OPCML: variants seen among roughly 807,000 people sequenced by gnomAD.
OPCML encodes opioid binding protein/cell adhesion molecule like.
Under a neutral mutation model 37.8 loss-of-function variants are expected in OPCML, and 13 were observed. That is an observed-to-expected ratio of 0.34 (90% confidence interval 0.22 to 0.55). OPCML has a LOEUF of 0.55. OPCML is among the 20% of genes least tolerant of loss of function. The pLI is 0.91. For synonymous variants in OPCML, 176 were observed against 168.8 expected, an observed-to-expected ratio of 1.04 and a Z score of -0.33; for missense variants, 341 against 435.6, an observed-to-expected ratio of 0.78 and a Z score of 1.93.
chr11:132,435,161 G>A, intron 7 of OPCML: 1 of 1,286,568 alleles, frequency 7.8e-7, no homozygotes, highest in South Asian at 1.2e-5. Context: ...GTACCCACCT[G>A]CCACTGCTGA....
intron 1 of OPCML, among the ~76,000 whole-genome samples, chr11:133,306,041 T>C (rs1011256202): frequency 1.3e-5 from 2 of 152,206 alleles, no homozygotes; most frequent in African/African-American, 4.8e-5. Flanking sequence ...ATTTAAGGTA[T>C]ATTACCATTA....
chr11:132,603,656 C>T (rs1938078587), intron 3 of OPCML, among the ~76,000 whole-genome samples: 1 of 152,186 alleles, frequency 6.6e-6, no homozygotes, highest in Admixed American at 6.5e-5. Flanking sequence ...TTCTTATCAT[C>T]TGAAGGATAA....
intron 1 of OPCML, among the ~76,000 whole-genome samples, chr11:133,288,828 G>C (rs2155532): frequency 0.43 from 64,888 of 151,710 alleles, 15,508 homozygotes; most frequent in East Asian, 0.76. Flanking sequence ...AGGCCAACTA[G>C]ACTGGGGTGT....
chr11:133,279,893 G>A (rs1358916737), intron 1 of OPCML, among the ~76,000 whole-genome samples: 1 of 152,132 alleles, frequency 6.6e-6, no homozygotes, highest in African/African-American at 2.4e-5. Flanking sequence ...TGGTGCAGGA[G>A]TTAATTGGTT....
intron 1 of OPCML, among the ~76,000 whole-genome samples, chr11:133,041,988 C>T (rs1373152276): frequency 2.6e-5 from 4 of 152,264 alleles, no homozygotes; most frequent in South Asian, 2.1e-4. Context: ...TGTTGGCAAA[C>T]GACCTTTCCA....
intron 7 of OPCML, among the ~76,000 whole-genome samples, chr11:132,430,732 T>A (rs2136701887): frequency 6.6e-6 from 1 of 152,318 alleles, no homozygotes; most frequent in South Asian, 2.1e-4. Flanking sequence ...GTGAGAAATT[T>A]GTTTTTCTCT....
intron 1 of OPCML, among the ~76,000 whole-genome samples, chr11:133,318,699 A>G (rs760972221): frequency 6.6e-6 from 1 of 152,094 alleles, no homozygotes; most frequent in Non-Finnish European, 1.5e-5. Context: ...TAGTGCAGTA[A>G]TGAGCACGCT....
At chr11:132,920,053 A>T (rs7937764) in intron 2 of OPCML, among the ~76,000 whole-genome samples, 34,003 of 152,076 alleles carry the variant, frequency 0.22, 6,496 homozygotes, top group African/African-American at 0.51. Context: ...ATGAAAATAT[A>T]CTGGAATTAG....
intron 1 of OPCML, among the ~76,000 whole-genome samples, chr11:133,214,260 T>G (rs1939495594): frequency 6.6e-6 from 1 of 152,176 alleles, no homozygotes; most frequent in African/African-American, 2.4e-5. Context: ...TGGCTGAATT[T>G]TTGTCGATAT....
At chr11:133,407,976 C>G (rs1945559685) in intron 1 of OPCML, among the ~76,000 whole-genome samples, 1 of 152,184 alleles carries the variant, frequency 6.6e-6, no homozygotes, top group Non-Finnish European at 1.5e-5. Flanking sequence ...AGCTGTACAT[C>G]CACTGTTTGC....
chr11:133,435,797 C>T (rs550331322), intron 1 of OPCML, among the ~76,000 whole-genome samples: 2 of 152,128 alleles, frequency 1.3e-5, no homozygotes, highest in South Asian at 2.1e-4. Flanking sequence ...ATTCATGCCC[C>T]GTGAAGAGGA....
intron 1 of OPCML, among the ~76,000 whole-genome samples, chr11:133,172,484 C>T (rs149518160): frequency 7.9e-4 from 121 of 152,204 alleles, no homozygotes; most frequent in African/African-American, 2.1e-3. Flanking sequence ...GAAAACCCCA[C>T]GGACAAAGGC....
intron 2 of OPCML, among the ~76,000 whole-genome samples, chr11:132,835,186 G>A (rs1486296879): frequency 1.3e-5 from 2 of 152,308 alleles, no homozygotes; most frequent in Non-Finnish European, 2.9e-5. Flanking sequence ...CCAGTGAAGA[G>A]CCTCCTTGGC....
chr11:133,488,200 G>C (rs1947572394), intron 1 of OPCML, among the ~76,000 whole-genome samples: 1 of 151,950 alleles, frequency 6.6e-6, no homozygotes, highest in Non-Finnish European at 1.5e-5. Flanking sequence ...CTAAGAAATG[G>C]AACAAGACAA....
intron 1 of OPCML, among the ~76,000 whole-genome samples, chr11:133,286,311 T>A (rs1488310187): frequency 6.6e-6 from 1 of 150,786 alleles, no homozygotes; most frequent in African/African-American, 2.4e-5. Context: ...AATAAATAAA[T>A]AAAAATAAAT....
chr11:133,532,196 C>A, intron 1 of OPCML, 68 bp downstream of exon 1: 3 of 1,575,034 alleles, frequency 1.9e-6, no homozygotes, highest in Non-Finnish European at 2.6e-6. Context: ...CATCTCCCCA[C>A]TGCCTCTCCT....
Position 133,504,078 on chromosome 11 carries a change from C to A in OPCML, c.61+28186G>T, listed in dbSNP as rs77089749. Among the ~76,000 whole-genome samples the A allele has an allele frequency of 4.1e-4, 63 of 152,274 alleles. 2 individuals are homozygous for A. The East Asian group carries it at 0.011, about 28-fold the overall frequency. On this transcript the variant is annotated intron_variant, in intron 1 of 7. Transcript: ENST00000524381. ...AAAGGAAATCAAAATCAGCACTCTG[C>A]GGAGACTTGCTGTATCCTCCACCAT...
At chr11:133,463,141 A>C (rs1322945719) in intron 1 of OPCML, among the ~76,000 whole-genome samples, 2 of 148,962 alleles carry the variant, frequency 1.3e-5, no homozygotes, top group African/African-American at 5.1e-5. Context: ...AAAAAAAATC[A>C]AAAAAACCTA....
At chr11:133,041,206 A>G (rs11223336) in intron 1 of OPCML, among the ~76,000 whole-genome samples, 18,915 of 152,208 alleles carry the variant, frequency 0.12, 1,332 homozygotes, top group East Asian at 0.22. Context: ...GTGATGAGAA[A>G]AACAACAGCC....
Sources: gnomAD v4.1 joint callset for allele counts (sites outside exome capture counted in the v4.1 genomes callset) on GRCh38, gnomAD v4.1.1 for gene constraint, MANE v1.5 for transcripts, NCBI Gene and HGNC (gene_info 2026-07-23, HGNC 2026-07-21) for gene names.